Variants in DGKB observed in about 807,000 individuals in gnomAD.
DGKB encodes diacylglycerol kinase beta, also known as 90 kDa diacylglycerol kinase.
Under a neutral mutation model 114.3 loss-of-function variants are expected in DGKB, and 67 were observed. That is an observed-to-expected ratio of 0.59 (90% CI 0.48 to 0.72). DGKB has a LOEUF of 0.72. Ranked by LOEUF, DGKB falls within the 30% of genes least tolerant of loss-of-function variation. The probability of loss-of-function intolerance (pLI) is 0.00; values close to 1 mark genes in which losing one functional copy is unlikely to be tolerated. For synonymous variants in DGKB, 398 were observed against 323.1 expected (o/e 1.23, Z -2.49); for missense variants, 907 against 975.2 (o/e 0.93, Z 0.93).
At chr7:14,610,699 C>G (rs758998029) in intron 16 of DGKB, among the ~76,000 whole-genome samples, 25 of 151,912 alleles carry the variant, frequency 1.6e-4, no homozygotes, top group Non-Finnish European at 3.1e-4. Context: ...GGCACCTGAA[C>G]CTACTAGTGG....
At chr7:14,368,361 C>T (rs749977964) in intron 21 of DGKB, among the ~76,000 whole-genome samples, 23 of 152,142 alleles carry the variant, frequency 1.5e-4, no homozygotes, top group Admixed American at 1.3e-3. Flanking sequence ...TAAAAATCCT[C>T]TGTGTTCCAC....
chr7:14,973,429 C>A (rs1787595547), intron 1 of DGKB, among the ~76,000 whole-genome samples: 1 of 151,190 alleles, frequency 6.6e-6, no homozygotes, highest in East Asian at 1.9e-4. Flanking sequence ...GAAATTGATA[C>A]AATAACATAT....
intron 13 of DGKB, among the ~76,000 whole-genome samples, chr7:14,662,404 G>A (rs184098109): frequency 2.2e-4 from 33 of 151,900 alleles, no homozygotes; most frequent in African/African-American, 6.7e-4. Flanking sequence ...TGGGTTTATA[G>A]TACAGAAAGA....
chr7:14,478,344 C>A, intron 20 of DGKB, 119 bp from the exon 21 acceptor site: 1 of 622,484 alleles, frequency 1.6e-6, no homozygotes, highest in Non-Finnish European at 2.6e-6. Flanking sequence ...AATATTATTG[C>A]CAAGAAGGTT....
intron 25 of DGKB, among the ~76,000 whole-genome samples, chr7:14,174,466 G>A (rs555515411): frequency 1.3e-5 from 2 of 152,188 alleles, no homozygotes; most frequent in South Asian, 2.1e-4. Context: ...TCAAAACATG[G>A]AATAAGGGCT....
At chr7:14,866,780 T>A (rs1303742615) in intron 1 of DGKB, among the ~76,000 whole-genome samples, 1 of 152,184 alleles carries the variant, frequency 6.6e-6, no homozygotes, top group Non-Finnish European at 1.5e-5. Flanking sequence ...ATAGAAAGAA[T>A]ATGATTCATT....
chr7:14,307,693 A>G (rs758499459), intron 23 of DGKB, among the ~76,000 whole-genome samples: 4 of 152,224 alleles, frequency 2.6e-5, no homozygotes, highest in Non-Finnish European at 5.9e-5. Flanking sequence ...GACAATTTAA[A>G]GCAGGTAATT....
intron 14 of DGKB, among the ~76,000 whole-genome samples, chr7:14,628,149 C>T (rs1327785370): frequency 1.3e-5 from 2 of 152,060 alleles, no homozygotes; most frequent in Non-Finnish European, 2.9e-5. Context: ...CTTATTAGCC[C>T]TCAATCTGTT....
intron 12 of DGKB, among the ~76,000 whole-genome samples, chr7:14,679,480 C>G (rs1364936776): frequency 6.6e-6 from 1 of 151,964 alleles, no homozygotes; most frequent in East Asian, 1.9e-4. Context: ...TTGCAACAGT[C>G]AAATCATTTC....
At chr7:14,725,548 G>A (rs1353252876) in intron 5 of DGKB, among the ~76,000 whole-genome samples, 1 of 151,672 alleles carries the variant, frequency 6.6e-6, no homozygotes. Flanking sequence ...AAACAAAAAG[G>A]ATATGTTGAT....
intron 25 of DGKB, among the ~76,000 whole-genome samples, chr7:14,166,151 T>C (rs530816816): frequency 4.3e-4 from 66 of 152,354 alleles, no homozygotes; most frequent in African/African-American, 1.4e-3. Context: ...TCGCCTACAA[T>C]GTAATTTAAA....
At chr7:14,413,288 A>G (rs557190009) in intron 21 of DGKB, among the ~76,000 whole-genome samples, 2 of 152,170 alleles carry the variant, frequency 1.3e-5, no homozygotes, top group Non-Finnish European at 2.9e-5. Context: ...GCTGATGAAG[A>G]TGACATAGAA....
chr7:14,493,279 T>C (rs1784839314), intron 20 of DGKB, among the ~76,000 whole-genome samples: 1 of 152,110 alleles, frequency 6.6e-6, no homozygotes. Flanking sequence ...TCTCAGTAGA[T>C]GCCTGAAACT....
intron 4 of DGKB, among the ~76,000 whole-genome samples, chr7:14,745,705 T>G (rs1476899720): frequency 6.6e-6 from 1 of 152,190 alleles, no homozygotes; most frequent in Non-Finnish European, 1.5e-5. Flanking sequence ...GGCCTGGTAT[T>G]CAATTTGTGA....
intron 21 of DGKB, among the ~76,000 whole-genome samples, chr7:14,476,257 C>T (rs928892960): frequency 1.3e-5 from 2 of 151,836 alleles, no homozygotes; most frequent in African/African-American, 4.8e-5. Context: ...TAGCTATATT[C>T]ATTTCCAGGA....
At chr7:14,540,371 T>C (rs555274591) in intron 20 of DGKB, among the ~76,000 whole-genome samples, 1 of 152,272 alleles carries the variant, frequency 6.6e-6, no homozygotes, top group South Asian at 2.1e-4. Flanking sequence ...ACTCAATTGG[T>C]TTACCAGAGA....
In DGKB at chr7:14,451,570, T is replaced by TCTCTCC. The variant is rs1206986949; in HGVS notation, c.1835+26585_1835+26590dup. On this transcript the variant is annotated intron_variant, in intron 21 of 25. Coordinates refer to ENST00000402815, the MANE Select transcript of DGKB (RefSeq NM_001350709.2). ...GTCTCTCTCTCTCTCTCTCTCTCTC[T>TCTCTCC]CTCTCCATCTAATCTCCAATTAGTT... Among the ~76,000 whole-genome samples, 47 of 151,026 alleles carry TCTCTCC rather than the reference T, an allele frequency of 3.1e-4. 1 individual carries two copies. Among genetic ancestry groups the TCTCTCC allele is most frequent in the Non-Finnish European group, 1.0e-4 (7 of 67,668 alleles).
chr7:14,245,494 G>A (rs1372986263), intron 23 of DGKB, among the ~76,000 whole-genome samples: 2 of 152,198 alleles, frequency 1.3e-5, no homozygotes, highest in East Asian at 3.9e-4. Context: ...TATGGAGCCT[G>A]TCTCCAAGCA....
intron 20 of DGKB, among the ~76,000 whole-genome samples, chr7:14,518,919 G>T (rs116727341): frequency 6.6e-6 from 1 of 152,024 alleles, no homozygotes; most frequent in Non-Finnish European, 1.5e-5. Context: ...TAGGGTCAGA[G>T]AATTTGCATT....
Sources: gnomAD v4.1 joint callset for allele counts (sites outside exome capture counted in the v4.1 genomes callset) on GRCh38, gnomAD v4.1.1 for gene constraint, MANE v1.5 for transcripts, NCBI Gene and HGNC (gene_info 2026-07-23, HGNC 2026-07-21) for gene names.